The following SGPP2 variants were observed in gnomAD, a reference collection of about 807,000 sequenced individuals.
SGPP2 encodes the protein sphingosine 1-phosphate phosphohydrolase 2.
Under a neutral mutation model 33.9 loss-of-function variants are expected in SGPP2, and 30 were observed. That is an observed-to-expected ratio of 0.89 (90% CI 0.66 to 1.20). SGPP2 has a LOEUF of 1.20. Among genes scored for constraint, SGPP2 ranks in the 50% most tolerant of loss-of-function variants. SGPP2 has a pLI of 0.00. For missense variants in SGPP2, 458 were observed against 532.1 expected (o/e 0.86, Z 1.37); for synonymous variants, 233 against 225.0 (o/e 1.04, Z -0.32).
chr2:222,426,233 AAGAC>A (rs1697069392), intron 1 of SGPP2, among the ~76,000 whole-genome samples: 5 of 150,176 alleles, frequency 3.3e-5, no homozygotes, highest in African/African-American at 1.2e-4. Flanking sequence ...AAAAAAAAAA[AAGAC>A]CAAAACAAAC....
At chr2:222,466,580 A>G (rs927106623) in intron 1 of SGPP2, among the ~76,000 whole-genome samples, 7 of 152,268 alleles carry the variant, frequency 4.6e-5, no homozygotes, top group African/African-American at 9.6e-5. Context: ...TTCAGAAAAC[A>G]TAACGACAGT....
Position 222,463,348 on chromosome 2 carries a change from C to T in SGPP2, c.220-11220C>T, listed in dbSNP as rs190413943. On this transcript the variant is annotated intron_variant, in intron 1 of 4. Transcript: ENST00000321276. ...GGGCTGGATTCAAGAAATGGGGAAGCGGCTGAGCACAGTAGCCTATAATCT... is the reference window on the plus strand; with the variant it reads ...GGGCTGGATTCAAGAAATGGGGAAGTGGCTGAGCACAGTAGCCTATAATCT... Among the ~76,000 whole-genome samples, 121 of 152,222 alleles carry T rather than the reference C, an allele frequency of 7.9e-4. No homozygotes were observed. The East Asian group carries it at 0.013, about 16-fold the overall frequency.
At chr2:222,433,525 G>C (rs1307511837) in intron 1 of SGPP2, among the ~76,000 whole-genome samples, 1 of 152,154 alleles carries the variant, frequency 6.6e-6, no homozygotes, top group Non-Finnish European at 1.5e-5. Flanking sequence ...GACATGCCTG[G>C]AGCAACCAGG....
chr2:222,526,898 G>A (rs549685569), intron 4 of SGPP2, among the ~76,000 whole-genome samples: 6 of 152,290 alleles, frequency 3.9e-5, no homozygotes, highest in Admixed American at 2.6e-4. Flanking sequence ...TTAGAGGATG[G>A]TCAATAGGTG....
chr2:222,538,947 A>T (rs954230202), intron 4 of SGPP2, among the ~76,000 whole-genome samples: 1 of 152,192 alleles, frequency 6.6e-6, no homozygotes, highest in Admixed American at 6.5e-5. Context: ...TTGGGCAGAA[A>T]CACAGATCCA....
chr2:222,521,693 T>A, intron 2 of SGPP2, 74 bp from the exon 3 acceptor site: 1 of 1,515,234 alleles, frequency 6.6e-7, no homozygotes, highest in Admixed American at 2.3e-5. Flanking sequence ...AACCCCAAAA[T>A]ATATCCATGA....
intron 2 of SGPP2, among the ~76,000 whole-genome samples, chr2:222,480,242 T>C (rs6725394): frequency 0.1 from 15,694 of 152,214 alleles, 1,047 homozygotes; most frequent in African/African-American, 0.18. Flanking sequence ...TGAGGCAAAA[T>C]CTCACTCACT....
At chr2:222,500,541 G>A (rs1265454694) in intron 2 of SGPP2, among the ~76,000 whole-genome samples, 1 of 152,190 alleles carries the variant, frequency 6.6e-6, no homozygotes, top group East Asian at 1.9e-4. Context: ...GAAAGAGTAT[G>A]AAATTGGCTT....
In SGPP2 at chr2:222,477,061, ATG is replaced by A. The variant is rs1397508838; in HGVS notation, c.378+2341_378+2342del. 6.7e-5 allele frequency among the ~76,000 whole-genome samples: 10 copies of A among 150,140 alleles called. No homozygotes were observed. The highest frequency in any genetic ancestry group is 4.0e-4 in the Admixed American group (6 of 15,152). ...TGTATGTGTGTATAGGTGTGTATAT[ATG>A]TGTGTTTATAGATATGTATATATTT... On this transcript the variant is annotated intron_variant, in intron 2 of 4. Coordinates refer to ENST00000321276, the MANE Select transcript of SGPP2 (RefSeq NM_152386.4). The surrounding 1 kb of genome is among the most constrained non-coding windows in gnomAD (Gnocchi z 6.0).
chr2:222,549,169 T>C (rs1053402645), intron 4 of SGPP2, among the ~76,000 whole-genome samples: 1 of 152,256 alleles, frequency 6.6e-6, no homozygotes, highest in Admixed American at 6.5e-5. Flanking sequence ...GCCAGAATCA[T>C]AGAGTTCTCA....
At position 222,558,616 on chromosome 2, in the gene SGPP2, TCTCC is replaced by T; in HGVS notation, c.921_924del (p.Pro308LeufsTer13). 1 of 1,614,158 alleles carries T rather than the reference TCTCC, an allele frequency of 6.2e-7. No homozygotes were observed. Among genetic ancestry groups the T allele is most frequent in the East Asian group, 2.2e-5 (1 of 44,894 alleles). ...AGCTTGTATCCAAGCCCGCTGAATC[TCTCC>T]CTGTTATTCAGAACATCCCACCACT... is the stretch of plus-strand genomic sequence containing the variant. On this transcript the variant is annotated frameshift_variant, in exon 5 of 5. Coordinates refer to ENST00000321276, the MANE Select transcript of SGPP2 (RefSeq NM_152386.4). LOFTEE classifies it high-confidence loss of function.
At chr2:222,435,083 CAT>C (rs779250069) in intron 1 of SGPP2, among the ~76,000 whole-genome samples, 91 of 90,222 alleles carry the variant, frequency 1.0e-3, no homozygotes, top group African/African-American at 3.5e-3. Flanking sequence ...TATATATACA[CAT>C]ATATATATAT....
intron 1 of SGPP2, among the ~76,000 whole-genome samples, chr2:222,441,670 T>C (rs1697327550): frequency 6.6e-6 from 1 of 152,182 alleles, no homozygotes; most frequent in Admixed American, 6.5e-5. Context: ...ATACTCTGCA[T>C]TGTTTACAAT....
intron 1 of SGPP2, among the ~76,000 whole-genome samples, chr2:222,453,358 G>A (rs1340374971): frequency 6.6e-6 from 1 of 152,200 alleles, no homozygotes; most frequent in Non-Finnish European, 1.5e-5. Flanking sequence ...GGCTAAGGCA[G>A]CGTTAAGACT....
rs572357487 is a variant in SGPP2, at chr2:222,469,196, T to C, written c.220-5372T>C. ...TGCTAAGAAACATTTTATTTCTTTT[T>C]TTTTTGAGACGGAGTCTCGCTCTGT... On this transcript the variant is annotated intron_variant, in intron 1 of 4. Transcript: ENST00000321276. Among the ~76,000 whole-genome samples the C allele has an allele frequency of 7.2e-5, 11 of 152,368 alleles. No homozygotes were observed. The East Asian group carries it at 2.1e-3, about 29-fold the overall frequency.
At chr2:222,505,934 CAAA>C (rs35318533) in intron 2 of SGPP2, among the ~76,000 whole-genome samples, 14 of 95,060 alleles carry the variant, frequency 1.5e-4, no homozygotes, top group Admixed American at 3.2e-4. Context: ...AACTCTGTCT[CAAA>C]AAAAAAAAAA....
intron 1 of SGPP2, among the ~76,000 whole-genome samples, chr2:222,441,150 A>C (rs1229480272): frequency 1.3e-5 from 2 of 152,326 alleles, no homozygotes; most frequent in African/African-American, 2.4e-5. Flanking sequence ...TTTAAACTGT[A>C]TTCTCAATGG....
intron 2 of SGPP2, among the ~76,000 whole-genome samples, chr2:222,510,637 G>A (rs1194843847): frequency 1.3e-5 from 2 of 152,112 alleles, no homozygotes; most frequent in Non-Finnish European, 2.9e-5. Context: ...TTTTTAATAT[G>A]GTGGGTGTAA....
At chr2:222,529,082 C>T (rs1043362822) in intron 4 of SGPP2, among the ~76,000 whole-genome samples, 5 of 152,152 alleles carry the variant, frequency 3.3e-5, no homozygotes, top group African/African-American at 4.8e-5. Context: ...GGAGAACTTT[C>T]AAAATTAGAG....
Sources: gnomAD v4.1 joint callset for allele counts (sites outside exome capture counted in the v4.1 genomes callset) on GRCh38, gnomAD v4.1.1 for gene constraint, Gnocchi (gnomAD v3.1) non-coding constraint, MANE v1.5 for transcripts, NCBI Gene and HGNC (gene_info 2026-07-23, HGNC 2026-07-21) for gene names.